POLA1: variants seen among roughly 807,000 people sequenced by gnomAD.
The protein encoded by POLA1 is DNA polymerase alpha catalytic subunit.
POLA1 carries 15 observed loss-of-function variants against 124.0 expected under a neutral mutation model. The observed-to-expected ratio is 0.12, with a 90% CI of 0.08 to 0.19. The LOEUF (loss-of-function observed/expected upper bound fraction) is 0.19. POLA1 is among the 10% of genes least tolerant of loss of function. The pLI, the probability that POLA1 is intolerant of heterozygous loss-of-function variation, is 1.00. For synonymous variants in POLA1, 408 were observed against 389.4 expected (o/e 1.05, Z -0.56); for missense variants, 886 against 1,103.4 (o/e 0.80, Z 2.79).
At chrX:24,995,621 G>T (rs768187304) in intron 36 of POLA1, among the ~76,000 whole-genome samples, 184 bp from the exon 37 acceptor site, 8 of 111,908 alleles carry the variant, frequency 7.1e-5, no homozygotes, top group African/African-American at 2.6e-4. Context: ...ACAGACAGGG[G>T]AAAGGAAGAA....
At chrX:24,830,155 CTT>C (rs1021182590) in intron 32 of POLA1, among the ~76,000 whole-genome samples, 4 of 111,622 alleles carry the variant, frequency 3.6e-5, no homozygotes, top group Non-Finnish European at 5.6e-5. Context: ...TTTTAAGACT[CTT>C]TTGTGGAGAG....
rs1929953293 is a variant in POLA1, at chrX:24,717,875, TG to T, written c.1087+118del. On this transcript the variant is annotated intron_variant, in intron 10 of 36. Transcript: ENST00000379068. ...TCTTTTTATTTAATCAGTTTATTTC[TG>T]TTTTTTTTTTCTTTATCCTTAAATA... is the stretch of plus-strand genomic sequence containing the variant. 3 of 508,867 alleles carry T rather than the reference TG, an allele frequency of 5.9e-6. No individual in the cohort carries two copies. The African/African-American group carries it at 7.6e-5, about 13-fold the overall frequency. The allele number at this position is 508,867 out of a possible 1,213,427, so 41.9% of individuals were successfully genotyped here.
At chrX:24,725,829 C>T in intron 12 of POLA1, 152 bp from the exon 13 acceptor site, 1 of 402,603 alleles carries the variant, frequency 2.5e-6, no homozygotes, top group Non-Finnish European at 4.3e-6. Flanking sequence ...GTTTTAGTTC[C>T]AATTGAAAGA....
At chrX:24,921,022 T>G (rs745313980) in intron 35 of POLA1, among the ~76,000 whole-genome samples, 16 of 111,681 alleles carry the variant, frequency 1.4e-4, no homozygotes, top group South Asian at 7.5e-4. Context: ...TTCTAAGAGG[T>G]TTCAAACAAA....
At chrX:24,838,291 A>G (rs1470554687) in intron 32 of POLA1, among the ~76,000 whole-genome samples, 2 of 112,005 alleles carry the variant, frequency 1.8e-5, no homozygotes, top group Non-Finnish European at 3.8e-5. Context: ...TTTTAATTTC[A>G]TTCCACTGCC....
rs756889284 is a variant in POLA1 at position 24,747,732 on chromosome X, C to CTTTT, written c.2692-562_2692-559dup. On this transcript the variant is annotated intron_variant, in intron 24 of 36. Coordinates refer to ENST00000379068, the MANE Select transcript of POLA1 (RefSeq NM_001330360.2). The stretch of plus-strand genomic sequence containing the variant: ...AGATAGCATGTGTAAAAATGTATCC[C>CTTTT]TTTTTTTTTTTTTTTTTTTTAAGAC... 6.6e-5 allele frequency among the ~76,000 whole-genome samples: 6 copies of CTTTT among 90,453 alleles called. No homozygotes were observed. The Admixed American group carries it at 7.2e-4, about 11-fold the overall frequency. The allele number at this position is 90,453 out of a possible 115,157, so 78.5% of individuals were successfully genotyped here.
intron 34 of POLA1, among the ~76,000 whole-genome samples, chrX:24,860,933 G>C (rs904883318): frequency 1.8e-5 from 2 of 111,453 alleles, no homozygotes; most frequent in South Asian, 3.9e-4. Flanking sequence ...CTAACACCCT[G>C]TCCCCACCAC....
intron 12 of POLA1, among the ~76,000 whole-genome samples, chrX:24,725,534 A>G (rs1445436123): frequency 9.0e-6 from 1 of 110,991 alleles, no homozygotes; most frequent in Non-Finnish European, 1.9e-5. Context: ...CATCTGAGAA[A>G]TAGGGCCCTA....
chrX:24,849,071 C>T (rs1159400654), intron 34 of POLA1, among the ~76,000 whole-genome samples: 1 of 113,199 alleles, frequency 8.8e-6, no homozygotes, highest in East Asian at 2.7e-4. Context: ...TATATTAGTT[C>T]AAAAAGTTTA....
chrX:24,788,174 TA>T (rs1159823703), intron 26 of POLA1, among the ~76,000 whole-genome samples: 3 of 111,534 alleles, frequency 2.7e-5, no homozygotes, highest in Non-Finnish European at 3.8e-5. Context: ...CCTTTCATGA[TA>T]AAAACCCCTC....
At chrX:24,817,827 C>G (rs1445937967) in intron 30 of POLA1, among the ~76,000 whole-genome samples, 1 of 109,791 alleles carries the variant, frequency 9.1e-6, no homozygotes, top group Non-Finnish European at 1.9e-5. Flanking sequence ...AATGCTTGCA[C>G]TATTTAAAAC....
At chrX:24,791,679 C>T (rs1214616987) in intron 26 of POLA1, among the ~76,000 whole-genome samples, 3 of 112,212 alleles carry the variant, frequency 2.7e-5, no homozygotes, top group Non-Finnish European at 3.8e-5. Context: ...CCACCACGCC[C>T]GGCCTATTGT....
chrX:24,790,212 AATTAACTCTGAGAACTTTAGACGTCAT>A (rs1441037754), intron 26 of POLA1, among the ~76,000 whole-genome samples: 4 of 112,034 alleles, frequency 3.6e-5, no homozygotes, highest in Admixed American at 1.9e-4. Flanking sequence ...TGGATGTAGA[AATTAACTCTGAGAACTTTAGACGTCAT>A]AGAAACTATA....
chrX:24,930,612 A>G, intron 36 of POLA1, 63 bp downstream of exon 36: 2 of 723,089 alleles, frequency 2.8e-6, no homozygotes, highest in South Asian at 2.3e-5. Flanking sequence ...TAAAAGCCAG[A>G]CCTACTGTGT....
chrX:24,868,430 T>C (rs1265460378), intron 34 of POLA1, among the ~76,000 whole-genome samples: 1 of 111,784 alleles, frequency 8.9e-6, no homozygotes, highest in African/African-American at 3.2e-5. Flanking sequence ...CACTGTGCAA[T>C]AGCACTAAAA....
intron 24 of POLA1, among the ~76,000 whole-genome samples, chrX:24,747,269 A>G (rs1393243130): frequency 9.3e-6 from 1 of 107,757 alleles, no homozygotes; most frequent in Non-Finnish European, 1.9e-5. Context: ...GGGTTCAAGC[A>G]ATTCTCCTGC....
At chrX:24,729,670 A>G (rs182948315) in intron 15 of POLA1, among the ~76,000 whole-genome samples, 50 of 110,597 alleles carry the variant, frequency 4.5e-4, no homozygotes, top group Admixed American at 1.6e-3. Context: ...CTGATGCTTT[A>G]TTTATTTATT....
At chrX:24,854,415 C>A in intron 34 of POLA1, among the ~76,000 whole-genome samples, 1 of 111,929 alleles carries the variant, frequency 8.9e-6, no homozygotes, top group Non-Finnish European at 1.9e-5. Context: ...GACTTTGCAC[C>A]ATTAATGCAA....
chrX:24,923,589 A>G (rs1427470248), intron 35 of POLA1, among the ~76,000 whole-genome samples: 1 of 112,295 alleles, frequency 8.9e-6, no homozygotes, highest in Admixed American at 9.5e-5. Context: ...TGATGGACAT[A>G]CTGAATCAGA....
Sources: gnomAD v4.1 joint callset for allele counts (sites outside exome capture counted in the v4.1 genomes callset) on GRCh38, gnomAD v4.1.1 for gene constraint, MANE v1.5 for transcripts, NCBI Gene and HGNC (gene_info 2026-07-23, HGNC 2026-07-21) for gene names.